Variants in PDE10A observed in about 807,000 individuals in gnomAD.
PDE10A encodes phosphodiesterase 10A, also known as cAMP and cAMP-inhibited cGMP 3',5'-cyclic phosphodiesterase 10A.
In PDE10A, 39 loss-of-function variants were observed where a neutral mutation model predicts 97.7. That is an observed-to-expected ratio of 0.40 (90% CI 0.31 to 0.52). The LOEUF is 0.52. Among genes scored for constraint, PDE10A ranks in the 20% least tolerant of loss-of-function variants. The pLI, the probability that PDE10A is intolerant of heterozygous loss-of-function variation, is 0.56. For missense variants in PDE10A, 731 were observed against 1,047.8 expected (o/e 0.70, Z 4.17); for synonymous variants, 371 against 376.8 (o/e 0.98, Z 0.18).
At position 165,702,436 on chromosome 6, in the gene PDE10A, G is replaced by C. The variant is rs73028185; in HGVS notation, c.-614-158868C>G. On this transcript the variant is annotated intron_variant, in intron 1 of 19. Transcript: ENST00000366882. ...TAATTAGGATCATGAGCCAGGCAGC[G>C]TCCCTCACAACCTGGAGAAGGAACA... Among the ~76,000 whole-genome samples the C allele has an allele frequency of 7.6e-3, 1,156 of 152,266 alleles. 12 individuals carry two copies. Among genetic ancestry groups the C allele is most frequent in the Non-Finnish European group, 9.9e-3 (672 of 68,030 alleles).
intron 2 of PDE10A, among the ~76,000 whole-genome samples, chr6:165,483,053 C>A (rs1562508851): frequency 6.6e-6 from 1 of 152,262 alleles, no homozygotes; most frequent in South Asian, 2.1e-4. Flanking sequence ...TCTTGGTCCA[C>A]CAGTTCTGAG....
At chr6:165,707,136 T>C (rs1791729868) in intron 1 of PDE10A, among the ~76,000 whole-genome samples, 1 of 152,246 alleles carries the variant, frequency 6.6e-6, no homozygotes, top group South Asian at 2.1e-4. Flanking sequence ...AAAACCCTAT[T>C]TGACCCTCAA....
intron 1 of PDE10A, among the ~76,000 whole-genome samples, chr6:165,963,909 T>C (rs1179631794): frequency 1.3e-5 from 2 of 152,208 alleles, no homozygotes; most frequent in Non-Finnish European, 1.5e-5. Context: ...CCTGGTCCAC[T>C]GCACCTTATC....
chr6:165,410,049 G>T (rs1013676946), intron 13 of PDE10A, among the ~76,000 whole-genome samples: 1 of 152,122 alleles, frequency 6.6e-6, no homozygotes, highest in African/African-American at 2.4e-5. Flanking sequence ...ATGGACAAAT[G>T]AATAAATTTT....
intron 1 of PDE10A, among the ~76,000 whole-genome samples, chr6:165,811,443 A>G (rs1338467748): frequency 6.6e-6 from 1 of 151,874 alleles, no homozygotes; most frequent in Non-Finnish European, 1.5e-5. Context: ...TATGCTCCCC[A>G]CCCTTCTCCC....
chr6:165,532,176 G>A (rs9459443), intron 2 of PDE10A, among the ~76,000 whole-genome samples: 7,810 of 152,000 alleles, frequency 0.051, 310 homozygotes, highest in East Asian at 0.19. Flanking sequence ...CTCCCGTCTC[G>A]GGGCTCTGGG....
intron 18 of PDE10A, among the ~76,000 whole-genome samples, chr6:165,354,481 G>A (rs944140753): frequency 6.6e-6 from 1 of 152,192 alleles, no homozygotes; most frequent in African/African-American, 2.4e-5. Context: ...GCCACTCCAA[G>A]CTGGAGATGG....
intron 1 of PDE10A, among the ~76,000 whole-genome samples, chr6:165,959,198 GCCAA>G (rs1784284706): frequency 1.3e-5 from 2 of 152,168 alleles, no homozygotes; most frequent in South Asian, 4.1e-4. Flanking sequence ...GGATGTGGAA[GCCAA>G]GGTGAGGCCA....
intron 1 of PDE10A, among the ~76,000 whole-genome samples, chr6:165,643,225 G>A (rs1170721168): frequency 1.3e-5 from 2 of 151,678 alleles, no homozygotes; most frequent in Non-Finnish European, 2.9e-5. Context: ...ATAGATAGGT[G>A]AGTGAGTGGG....
At chr6:165,687,843 A>T (rs921157755) in intron 1 of PDE10A, among the ~76,000 whole-genome samples, 1 of 152,222 alleles carries the variant, frequency 6.6e-6, no homozygotes, top group Admixed American at 6.5e-5. Context: ...ACTTTCGCAC[A>T]TTTAATCTTC....
Position 165,494,556 on chromosome 6 carries a change from A to C in PDE10A, c.995-12213T>G, listed in dbSNP as rs926864572. Among the ~76,000 whole-genome samples the C allele has an allele frequency of 3.3e-5, 5 of 150,284 alleles. No homozygotes were observed. In the South Asian group the frequency reaches 1.0e-3, roughly 31 times the overall value. Reference sequence around the variant, plus strand: ...TATATATTTATTTATTTATTTAATAAAGAAGAAATCCAGAATAAAGAAAGG... The same window carrying C: ...TATATATTTATTTATTTATTTAATACAGAAGAAATCCAGAATAAAGAAAGG... On this transcript the variant is annotated intron_variant, in intron 2 of 21. Transcript: ENST00000539869.
In PDE10A at chr6:165,515,681, G is replaced by T. The variant is rs557829196; in HGVS notation, c.994+27759C>A. Reference sequence around the variant, plus strand: ...TGGGACTACAGGCATGCGCCATCATGCTTGGCTAATTTTTGTATTTTTAGT... The same window carrying T: ...TGGGACTACAGGCATGCGCCATCATTCTTGGCTAATTTTTGTATTTTTAGT... On this transcript the variant is annotated intron_variant, in intron 2 of 21. Transcript: ENST00000539869. 2.5e-3 allele frequency among the ~76,000 whole-genome samples: 384 copies of T among 151,950 alleles called. 2 individuals are homozygous for T. The highest frequency in any genetic ancestry group is 6.8e-3 in the Middle Eastern group (2 of 294).
At chr6:165,802,988 G>C (rs1160721813) in intron 1 of PDE10A, among the ~76,000 whole-genome samples, 1 of 152,214 alleles carries the variant, frequency 6.6e-6, no homozygotes, top group Non-Finnish European at 1.5e-5. Context: ...CGAGTTCCCA[G>C]ATGTCAGGGC....
intron 1 of PDE10A, among the ~76,000 whole-genome samples, chr6:165,978,380 G>C (rs1371580165): frequency 6.6e-6 from 1 of 152,212 alleles, no homozygotes; most frequent in Admixed American, 6.5e-5. Flanking sequence ...AGAATAATCA[G>C]AGTTTATTAC....
At chr6:165,792,733 G>A (rs887746656) in intron 1 of PDE10A, among the ~76,000 whole-genome samples, 1 of 152,128 alleles carries the variant, frequency 6.6e-6, no homozygotes, top group Non-Finnish European at 1.5e-5. Flanking sequence ...AGTACCCAAA[G>A]ACTCACCCCA....
intron 18 of PDE10A, among the ~76,000 whole-genome samples, chr6:165,374,655 A>C (rs1287367798): frequency 6.6e-6 from 1 of 152,040 alleles, no homozygotes; most frequent in Admixed American, 6.6e-5. Context: ...GCCTTTTCTG[A>C]GAATGTAATA....
chr6:165,667,488 T>A (rs1044231849), upstream of PDE10A, among the ~76,000 whole-genome samples: 6 of 152,196 alleles, frequency 3.9e-5, no homozygotes, highest in African/African-American at 1.4e-4. Context: ...GAATAGTTTT[T>A]AATTTTTAAA....
intron 1 of PDE10A, among the ~76,000 whole-genome samples, chr6:165,834,083 G>T (rs2128471591): frequency 6.6e-6 from 1 of 152,332 alleles, no homozygotes; most frequent in Middle Eastern, 3.4e-3. Flanking sequence ...GGCTCACGGA[G>T]GGTGAGCTGG....
chr6:165,515,999 A>T (rs1781782197), intron 2 of PDE10A, among the ~76,000 whole-genome samples: 1 of 152,218 alleles, frequency 6.6e-6, no homozygotes, highest in Admixed American at 6.5e-5. Context: ...GAACTCGGTG[A>T]AACTGTAAAT....
Sources: allele counts gnomAD v4.1 joint callset (sites outside exome capture counted in the v4.1 genomes callset), GRCh38; gene constraint gnomAD v4.1.1; transcripts MANE v1.5; gene names NCBI Gene and HGNC (gene_info 2026-07-23, HGNC 2026-07-21).